The following STING1 variants were observed in gnomAD, a reference collection of about 807,000 sequenced individuals.
STING1 encodes the protein stimulator of interferon genes protein.
STING1 carries 19 observed loss-of-function variants against 31.6 expected under a neutral mutation model. The observed-to-expected ratio is 0.60, with a 90% CI of 0.42 to 0.88. The LOEUF is 0.88. Ranked by LOEUF, STING1 falls within the 40% of genes least tolerant of loss-of-function variation. The pLI is 0.00. For synonymous variants in STING1, 200 were observed against 208.6 expected (o/e 0.96, Z 0.35); for missense variants, 371 against 483.7 (o/e 0.77, Z 2.19).
chr5:139,478,480 A>G lies in STING1; in HGVS notation c.549T>C (p.Asn183=). ...PELQARIRTY[N]QHYNNLLRGA... ...CCCGTAGCAGGTTGTTGTAATGCTG[A>G]TTGTAAGTTCGAATCCGGGCCTGGA... The change falls in exon 6 of 8, where the codon AAT becomes AAC. Residue 183 remains asparagine, a synonymous_variant. Transcript: ENST00000330794. 3 of 1,614,100 alleles carry G rather than the reference A, an allele frequency of 1.9e-6. 1 individual carries two copies. Among genetic ancestry groups the G allele is most frequent in the Non-Finnish European group, 2.5e-6 (3 of 1,180,018 alleles).
intron 5 of STING1, among the ~76,000 whole-genome samples, chr5:139,479,366 C>A (rs1157937645): frequency 6.6e-6 from 1 of 151,506 alleles, no homozygotes; most frequent in Non-Finnish European, 1.5e-5. Context: ...TCTCTCTAAG[C>A]TATGTGATAT....
intron 6 of STING1, 143 bp from the exon 7 acceptor site, chr5:139,477,658 C>T (rs1293867258): frequency 2.5e-6 from 2 of 810,884 alleles, no homozygotes; most frequent in Non-Finnish European, 1.9e-6. Flanking sequence ...TGGGAGGTGG[C>T]CACCCTAATG....
At chr5:139,478,549 A>C in intron 5 of STING1, 41 bp from the exon 6 acceptor site, 1 of 1,566,886 alleles carries the variant, frequency 6.4e-7, no homozygotes, top group African/African-American at 1.4e-5. Flanking sequence ...TGCTAACCCT[A>C]TCTCCCACCT....
Position 139,481,009 on chromosome 5 carries a change from T to A in STING1, c.412-111A>T. 1 of 1,201,092 alleles carries A rather than the reference T, an allele frequency of 8.3e-7. No individual in the cohort carries two copies. Among genetic ancestry groups the A allele is most frequent in the African/African-American group, 1.5e-5 (1 of 66,546 alleles). The allele number at this position is 1,201,092 out of a possible 1,614,324, so 74.4% of individuals were successfully genotyped here. On this transcript the variant is annotated intron_variant, in intron 4 of 7. Coordinates refer to ENST00000330794, the MANE Select transcript of STING1 (RefSeq NM_198282.4). This position sits in a 1 kb window ranked among gnomAD's most constrained non-coding sequence, Gnocchi z 4.1. Reference sequence around the variant, plus strand: ...TCCTGACTTGATCCCTCTTTTGCCATTGCCAAACCCACTGTTCCAGGACAT... The same window carrying A: ...TCCTGACTTGATCCCTCTTTTGCCAATGCCAAACCCACTGTTCCAGGACAT...
At chr5:139,478,231 G>T in intron 6 of STING1, 39 bp downstream of exon 6, 1 of 1,505,632 alleles carries the variant, frequency 6.6e-7, no homozygotes, top group South Asian at 1.2e-5. Context: ...CTGGGGTCCT[G>T]ACCCCTCCTC....
rs1416550031 is a variant in STING1, at chr5:139,481,582, C to T, written c.123G>A (p.Glu41=). 2.5e-6 allele frequency: 4 copies of T among 1,613,722 alleles called. No homozygotes were observed. The highest frequency in any genetic ancestry group is 3.4e-6 in the Non-Finnish European group (4 of 1,179,958). Residue 41 remains glutamate (E), a synonymous_variant, in exon 3 of 8, where the codon GAG becomes GAA. Coordinates refer to ENST00000330794, the MANE Select transcript of STING1 (RefSeq NM_198282.4). This position sits in a 1 kb window ranked among gnomAD's most constrained non-coding sequence, Gnocchi z 4.1. The part of the protein sequence containing the change: ...VTLWGLGEPP[E]HTLRYLVLHL... ...GGAGCACCAGGTACCGGAGAGTGTG[C>T]TCTGGTGGCTCTCCTAGCCCCCAAA... is the stretch of plus-strand genomic sequence containing the variant.
At chr5:139,476,773 C>T (rs529535454) in intron 7 of STING1, among the ~76,000 whole-genome samples, 5 of 152,010 alleles carry the variant, frequency 3.3e-5, no homozygotes, top group East Asian at 3.9e-4. Flanking sequence ...GGCATGGTGG[C>T]GGGCGCCTGT....
chr5:139,477,542 C>T (rs1751700926), intron 6 of STING1, 27 bp from the exon 7 acceptor site: 1 of 1,606,794 alleles, frequency 6.2e-7, no homozygotes, highest in Non-Finnish European at 8.5e-7. Context: ...GAAGACCAGA[C>T]TAAGCCAGGG....
chr5:139,481,112 C>A lies in STING1; in HGVS notation c.411+47G>T. On this transcript the variant is annotated intron_variant, in intron 4 of 7. Transcript: ENST00000330794. The surrounding 1 kb of genome is among the most constrained non-coding windows in gnomAD (Gnocchi z 4.1). ...CTCAGCTCAGGGCAGGTCACACCAG[C>A]CACAGCCACCACTTGGCCAGAGCTT... is the stretch of plus-strand genomic sequence containing the variant. 1 of 1,597,448 alleles carries A rather than the reference C, an allele frequency of 6.3e-7. No homozygotes were observed. Among genetic ancestry groups the A allele is most frequent in the Non-Finnish European group, 8.6e-7 (1 of 1,165,986 alleles).
At chr5:139,480,704 G>T in intron 5 of STING1, 86 bp downstream of exon 5, 1 of 824,578 alleles carries the variant, frequency 1.2e-6, no homozygotes, top group Non-Finnish European at 2.0e-6. Flanking sequence ...AATATAGTGA[G>T]TTCTGTGTGT....
Position 139,481,923 on chromosome 5 carries a change from C to T in STING1, c.1-219G>A. The stretch of plus-strand genomic sequence containing the variant: ...TGCTGAAAACAGAGCAGGGCCTGCA[C>T]ATACACGCCCCACCAAGACCCAGGG... On this transcript the variant is annotated intron_variant, in intron 2 of 7. Coordinates refer to ENST00000330794, the MANE Select transcript of STING1 (RefSeq NM_198282.4). The surrounding 1 kb of genome is among the most constrained non-coding windows in gnomAD (Gnocchi z 4.1). 2 of 546,816 alleles carry T rather than the reference C, an allele frequency of 3.7e-6. No individual in the cohort carries two copies. The highest frequency in any genetic ancestry group is 5.9e-5 in the East Asian group (2 of 34,002). 33.9% of individuals were successfully genotyped at this position (546,816 alleles called of 1,614,324 possible). A position where few individuals can be genotyped will look rare whatever the true frequency, so the allele number is the denominator to read the frequency against.
chr5:139,478,618 A>G (rs1179119461), intron 5 of STING1, 110 bp from the exon 6 acceptor site: 2 of 942,068 alleles, frequency 2.1e-6, no homozygotes, highest in Non-Finnish European at 3.3e-6. Flanking sequence ...CAGAGAATGG[A>G]GAGTCCAGTG....
intron 7 of STING1, 138 bp downstream of exon 7, chr5:139,477,191 G>C (rs1197804546): frequency 3.4e-6 from 3 of 884,572 alleles, no homozygotes; most frequent in Non-Finnish European, 5.3e-6. Context: ...GCTGGGAAGA[G>C]GGGGCTTCTC....
chr5:139,476,473 GGA>G lies in STING1; in HGVS notation c.947-21_947-20del. On this transcript the variant is annotated intron_variant, in intron 7 of 7. Transcript: ENST00000330794. ...GCAGGTTCTGGAACAGGGAGATAGG[GGA>G]GAGAGTAATGAGGATCTTACCCATT... is the stretch of plus-strand genomic sequence containing the variant. 6.2e-7 allele frequency: 1 copy of G among 1,609,778 alleles called. No individual in the cohort carries two copies. Among genetic ancestry groups the G allele is most frequent in the Non-Finnish European group, 8.5e-7 (1 of 1,178,446 alleles).
intron 5 of STING1, among the ~76,000 whole-genome samples, chr5:139,480,142 C>G: frequency 6.6e-6 from 1 of 151,860 alleles, no homozygotes; most frequent in African/African-American, 2.4e-5. Context: ...ATAGCAAAAC[C>G]CTCTTCTTTT....
Position 139,477,452 on chromosome 5 carries a change from T to C in STING1, c.823A>G (p.Ser275Gly), listed in dbSNP as rs758202052. The change falls in exon 7 of 8, where the codon AGT becomes GGT. Residue 275 changes from serine (S) to glycine (G), a missense_variant. Coordinates refer to ENST00000330794, the MANE Select transcript of STING1 (RefSeq NM_198282.4). ...LQTLFAMSQYSQAGFSREDRL... is the reference protein window; with the variant it reads ...LQTLFAMSQYGQAGFSREDRL... ...TCCTCCCGGCTAAAGCCAGCTTGAC[T>C]GTATTGTGACATGGCAAACAAAGTC... 1.2e-6 allele frequency: 2 copies of C among 1,614,200 alleles called. No homozygotes were observed. Among genetic ancestry groups the C allele is most frequent in the East Asian group, 4.5e-5 (2 of 44,886 alleles).
At position 139,478,340 on chromosome 5, in the gene STING1, C is replaced by G. The variant is rs78233829; in HGVS notation, c.689G>C (p.Gly230Ala). 261,373 of 1,613,770 alleles carry G rather than the reference C, an allele frequency of 0.16. 25,333 individuals are homozygous for G. The highest frequency in any genetic ancestry group is 0.43 in the East Asian group (19,393 of 44,848). The change falls in exon 6 of 8, where the codon GGT becomes GCT. Residue 230 changes from glycine (G) to alanine (A), a missense_variant. By Grantham distance (60) the Gly-to-Ala change is moderately conservative. Transcript: ENST00000330794. ...RFLDKLPQQT[G>A]DHAGIKDRVY... ...CCGATCCTTGATGCCAGCATGGTCA[C>G]CGGTCTGCTGGGGCAGTTTATCCAG...
Position 139,477,324 on chromosome 5 carries a change from C to G in STING1, c.946+5G>C. ...TATCAACCCCTCACCCTACCAACCCCTCACCCTGGTAGGCAATGAGGCGGC... is the reference window on the plus strand; with the variant it reads ...TATCAACCCCTCACCCTACCAACCCGTCACCCTGGTAGGCAATGAGGCGGC... On this transcript the variant is annotated splice_donor_5th_base_variant and intron_variant, in intron 7 of 7. Coordinates refer to ENST00000330794, the MANE Select transcript of STING1 (RefSeq NM_198282.4). The G allele has an allele frequency of 6.2e-7, 1 of 1,613,310 alleles. No individual in the cohort carries two copies. The highest frequency in any genetic ancestry group is 8.5e-7 in the Non-Finnish European group (1 of 1,179,790).
chr5:139,480,164 TAAATA>T (rs1231002106), intron 5 of STING1, among the ~76,000 whole-genome samples: 1 of 151,844 alleles, frequency 6.6e-6, no homozygotes, highest in African/African-American at 2.4e-5. Context: ...AAAAAATATA[TAAATA>T]AAATAAAACA....
Sources: allele counts gnomAD v4.1 joint callset (sites outside exome capture counted in the v4.1 genomes callset), GRCh38; gene constraint gnomAD v4.1.1; non-coding constraint Gnocchi (gnomAD v3.1); transcripts MANE v1.5; gene names NCBI Gene and HGNC (gene_info 2026-07-23, HGNC 2026-07-21).